B3GALNT1: variants seen among roughly 807,000 people sequenced by gnomAD.
B3GALNT1 encodes the protein beta-1,3-N-acetylgalactosaminyltransferase 1 (Globoside blood group).
A neutral mutation model predicts 27.3 loss-of-function variants in B3GALNT1; 17 were observed. The ratio of observed to expected loss-of-function variants is 0.62; its 90% confidence interval spans 0.43 to 0.94. The LOEUF (loss-of-function observed/expected upper bound fraction) is 0.94, where lower values mean the gene tolerates loss of function less well. B3GALNT1 is among the 40% of genes least tolerant of loss of function. B3GALNT1 has a pLI of 0.00. For synonymous variants in B3GALNT1, 141 were observed against 144.0 expected (o/e 0.98, Z 0.15); for missense variants, 347 against 390.0 (o/e 0.89, Z 0.93).
chr3:161,101,626 G>A (rs1379827567), intron 3 of B3GALNT1, among the ~76,000 whole-genome samples: 3 of 152,036 alleles, frequency 2.0e-5, no homozygotes, highest in African/African-American at 7.2e-5. Context: ...CATGAGTGAG[G>A]CCCACCTAGA....
chr3:161,096,486 T>C (rs1040041822), intron 4 of B3GALNT1, among the ~76,000 whole-genome samples: 10 of 152,200 alleles, frequency 6.6e-5, no homozygotes, highest in African/African-American at 1.7e-4. Flanking sequence ...GAAATCTTAA[T>C]TGCCTAAAAA....
intron 4 of B3GALNT1, among the ~76,000 whole-genome samples, chr3:161,088,524 C>T (rs979117400): frequency 6.6e-6 from 1 of 152,146 alleles, no homozygotes; most frequent in Non-Finnish European, 1.5e-5. Context: ...TCCTATCCTC[C>T]CCTATCCCCT....
In B3GALNT1 at chr3:161,085,746, G is replaced by GT; in HGVS notation, c.*12dup. On this transcript the variant is annotated 3_prime_UTR_variant, in exon 5 of 5. Transcript: ENST00000320474. ...AGTATCCTGTCCTTCTAGGCTTTTT[G>GT]TAGAATGTGAAGTTAATAATGGCAT... 6.2e-7 allele frequency: 1 copy of GT among 1,613,644 alleles called. No homozygotes were observed. Among genetic ancestry groups the GT allele is most frequent in the Non-Finnish European group, 8.5e-7 (1 of 1,179,632 alleles).
chr3:161,104,261 T>A, intron 2 of B3GALNT1, 58 bp downstream of exon 2: 1 of 1,258,262 alleles, frequency 7.9e-7, no homozygotes, highest in Non-Finnish European at 1.0e-6. Flanking sequence ...TTAAGCCTCC[T>A]GGGAGAAGCT....
chr3:161,103,523 C>T lies in B3GALNT1; in HGVS notation c.-220-6G>A, dbSNP rs761722441. ...CTCAGATCTGTTGTGAACTACTGAA[C>T]AGAAGAACAGAAAAAAATATATATG... On this transcript the variant is annotated splice_region_variant and splice_polypyrimidine_tract_variant and intron_variant, in intron 2 of 4. Coordinates refer to ENST00000320474, the MANE Select transcript of B3GALNT1 (RefSeq NM_003781.4). 2 of 1,158,612 alleles carry T rather than the reference C, an allele frequency of 1.7e-6. No individual in the cohort carries two copies. The highest frequency in any genetic ancestry group is 2.3e-4 in the Middle Eastern group (1 of 4,394). The allele number at this position is 1,158,612 out of a possible 1,614,324, so 71.8% of individuals were successfully genotyped here. A position where few individuals can be genotyped will look rare whatever the true frequency, so the allele number is the denominator to read the frequency against.
Position 161,086,049 on chromosome 3 carries a change from G to T in B3GALNT1, c.706C>A (p.Pro236Thr). 6.3e-7 allele frequency: 1 copy of T among 1,592,464 alleles called. No individual in the cohort carries two copies. Among genetic ancestry groups the T allele is most frequent in the Non-Finnish European group, 8.5e-7 (1 of 1,171,396 alleles). ...YQEYPFKVFP[P>T]YCSGLGYIMS... ...ATATAACCCAACCCACTGCAGTATG[G>T]AGGGAACACCTTGAAAGGATACTCC... The change falls in exon 5 of 5, where the codon CCA becomes ACA. Residue 236 changes from proline to threonine, a missense_variant. Coordinates refer to ENST00000320474, the MANE Select transcript of B3GALNT1 (RefSeq NM_003781.4).
At chr3:161,097,990 ACT>A (rs1301303974) in intron 4 of B3GALNT1, among the ~76,000 whole-genome samples, 1 of 152,090 alleles carries the variant, frequency 6.6e-6, no homozygotes, top group African/African-American at 2.4e-5. Flanking sequence ...AATATGCTTT[ACT>A]CTGTCAGGGT....
intron 4 of B3GALNT1, among the ~76,000 whole-genome samples, chr3:161,091,909 T>C (rs1174708144): frequency 6.6e-6 from 1 of 152,216 alleles, no homozygotes; most frequent in Non-Finnish European, 1.5e-5. Flanking sequence ...AGAGTTTTGA[T>C]AATAAATAAA....
chr3:161,102,900 G>A (rs948510235), intron 3 of B3GALNT1, among the ~76,000 whole-genome samples: 1 of 152,188 alleles, frequency 6.6e-6, no homozygotes, highest in Non-Finnish European at 1.5e-5. Flanking sequence ...ACAAGAAGAA[G>A]AGACATCATC....
intron 4 of B3GALNT1, chr3:161,089,799 T>A (rs903317778): frequency 6.7e-6 from 1 of 150,202 alleles, no homozygotes; most frequent in Non-Finnish European, 1.5e-5. Context: ...CTGGGCATGG[T>A]GGCTCATGCC....
At chr3:161,095,809 G>A (rs7630674) in intron 4 of B3GALNT1, among the ~76,000 whole-genome samples, 90,032 of 152,132 alleles carry the variant, frequency 0.59, 27,887 homozygotes, top group East Asian at 0.89. Flanking sequence ...CAGTTAGTGT[G>A]AGGAAGCTGC....
chr3:161,101,180 G>A lies in B3GALNT1; in HGVS notation c.-76C>T. The A allele has an allele frequency of 7.8e-7, 1 of 1,289,874 alleles. No individual in the cohort carries two copies. The highest frequency in any genetic ancestry group is 1.0e-6 in the Non-Finnish European group (1 of 988,890). 79.9% of individuals were successfully genotyped at this position (1,289,874 alleles called of 1,614,324 possible). ...AGTAGTCGGAGAGCACCACGTGATA[G>A]AGCAGCCAGCGGGAAGAGCCAACAG... On this transcript the variant is annotated 5_prime_UTR_variant, in exon 4 of 5. Coordinates refer to ENST00000320474, the MANE Select transcript of B3GALNT1 (RefSeq NM_003781.4).
chr3:161,099,809 AACACACACAC>A (rs149223798), intron 4 of B3GALNT1, among the ~76,000 whole-genome samples: 1 of 148,934 alleles, frequency 6.7e-6, no homozygotes, highest in Non-Finnish European at 1.5e-5. Context: ...CCCCTTCTCT[AACACACACAC>A]ACACACACAC....
intron 4 of B3GALNT1, among the ~76,000 whole-genome samples, chr3:161,093,152 C>T (rs1489322921): frequency 6.6e-6 from 1 of 152,084 alleles, no homozygotes; most frequent in African/African-American, 2.4e-5. Flanking sequence ...AGCACAGGGC[C>T]TGGTCCAGGA....
chr3:161,093,844 A>T lies in B3GALNT1; in HGVS notation c.-34-7056T>A, dbSNP rs925471773. Among the ~76,000 whole-genome samples, 22 of 152,108 alleles carry T rather than the reference A, an allele frequency of 1.4e-4. No individual in the cohort carries two copies. In the East Asian group the frequency reaches 2.1e-3, roughly 15 times the overall value. On this transcript the variant is annotated intron_variant, in intron 4 of 4. Coordinates refer to ENST00000320474, the MANE Select transcript of B3GALNT1 (RefSeq NM_003781.4). ...GAGACCCCATAGATAAAAAAAAAAA[A>T]TTTTAAGATAAACTTGTGCTTATAT...
chr3:161,098,458 A>G (rs1002060132), intron 4 of B3GALNT1, among the ~76,000 whole-genome samples: 1 of 152,172 alleles, frequency 6.6e-6, no homozygotes, highest in African/African-American at 2.4e-5. Flanking sequence ...TCATGCCTGT[A>G]ATCCCAGCAC....
chr3:161,085,635 TC>T lies in B3GALNT1; in HGVS notation c.*123del. 2 of 1,060,152 alleles carry T rather than the reference TC, an allele frequency of 1.9e-6. No individual in the cohort carries two copies. Among genetic ancestry groups the T allele is most frequent in the Non-Finnish European group, 1.4e-6 (1 of 693,638 alleles). The allele number at this position is 1,060,152 out of a possible 1,614,324, so 65.7% of individuals were successfully genotyped here. A position where few individuals can be genotyped will look rare whatever the true frequency, so the allele number is the denominator to read the frequency against. ...CCCTCCAGTCTCCAGTCTGGGTTTTTCATGAGTTTCAGTTCAGTGTAAGCCA... is the reference window on the plus strand; with the variant it reads ...CCCTCCAGTCTCCAGTCTGGGTTTTTATGAGTTTCAGTTCAGTGTAAGCCA... On this transcript the variant is annotated 3_prime_UTR_variant, in exon 5 of 5. Coordinates refer to ENST00000320474, the MANE Select transcript of B3GALNT1 (RefSeq NM_003781.4).
intron 2 of B3GALNT1, chr3:161,104,023 G>A (rs779425026): frequency 4.4e-5 from 10 of 228,992 alleles, no homozygotes; most frequent in Non-Finnish European, 7.8e-5. Context: ...CACCGCGCCC[G>A]GCCTGGATGC....
chr3:161,095,674 T>C (rs549044725), intron 4 of B3GALNT1, among the ~76,000 whole-genome samples: 3 of 152,192 alleles, frequency 2.0e-5, no homozygotes, highest in African/African-American at 7.2e-5. Context: ...GGGAAAAAAT[T>C]AAGCTGCTAA....
Sources: gnomAD v4.1 joint callset for allele counts (sites outside exome capture counted in the v4.1 genomes callset) on GRCh38, gnomAD v4.1.1 for gene constraint, MANE v1.5 for transcripts, NCBI Gene and HGNC (gene_info 2026-07-23, HGNC 2026-07-21) for gene names.